Variants in DNM3 observed in about 807,000 individuals in gnomAD.
The protein encoded by DNM3 is dynamin 3.
A neutral mutation model predicts 101.6 loss-of-function variants in DNM3; 47 were observed. That is an observed-to-expected ratio of 0.46 (90% CI 0.37 to 0.59). The LOEUF (loss-of-function observed/expected upper bound fraction) is 0.59, where lower values mean the gene tolerates loss of function less well. DNM3 is among the 20% of genes least tolerant of loss of function. The pLI is 0.00. For synonymous variants in DNM3, 385 were observed against 387.9 expected (o/e 0.99, Z 0.09); for missense variants, 849 against 1,085.7 (o/e 0.78, Z 3.06).
intron 11 of DNM3, among the ~76,000 whole-genome samples, chr1:172,079,108 T>G (rs1270369027): frequency 6.6e-6 from 1 of 152,218 alleles, no homozygotes; most frequent in African/African-American, 2.4e-5. Flanking sequence ...GGGGTTGCTC[T>G]TCTTGAGGAG....
intron 1 of DNM3, among the ~76,000 whole-genome samples, chr1:171,874,621 A>G (rs2035588136): frequency 6.6e-6 from 1 of 152,182 alleles, no homozygotes; most frequent in African/African-American, 2.4e-5. Context: ...CTGGATTAGT[A>G]GCCTTGCTAC....
At chr1:172,033,064 A>G (rs766845222) in intron 5 of DNM3, 41 bp from the exon 6 acceptor site, 13 of 1,596,594 alleles carry the variant, frequency 8.1e-6, no homozygotes, top group African/African-American at 2.7e-5. Flanking sequence ...AATAAGCCAC[A>G]AAAAGTGTCC....
chr1:172,278,504 C>T lies in DNM3; in HGVS notation c.1769+24822C>T, dbSNP rs543955257. On this transcript the variant is annotated intron_variant, in intron 15 of 20. Transcript: ENST00000627582. ...GACCACATCCAAAGCCATCCTGGGC[C>T]TCATGCAGCCGTGGGCCACAGGTTG... 3.3e-5 allele frequency among the ~76,000 whole-genome samples: 5 copies of T among 152,204 alleles called. No homozygotes were observed. The South Asian group carries it at 6.2e-4, about 19-fold the overall frequency.
chr1:172,262,173 T>C (rs1285655170), intron 15 of DNM3, among the ~76,000 whole-genome samples: 1 of 152,118 alleles, frequency 6.6e-6, no homozygotes, highest in African/African-American at 2.4e-5. Flanking sequence ...AACATGGGCT[T>C]CATTTGTGTC....
rs2071128076 is a variant in DNM3 at position 172,410,194 on chromosome 1, A to C, written c.*2353A>C. On this transcript the variant is annotated 3_prime_UTR_variant, in exon 21 of 21. Coordinates refer to ENST00000627582, the MANE Select transcript of DNM3 (RefSeq NM_015569.5). Reference sequence around the variant, plus strand: ...AGTACTATGTCATATTATTAGTATGAATCTCATTTCCCAAAGGGTTTGTAT... The same window carrying C: ...AGTACTATGTCATATTATTAGTATGCATCTCATTTCCCAAAGGGTTTGTAT... 2 of 985,372 alleles carry C rather than the reference A, an allele frequency of 2.0e-6. No homozygotes were observed. Among genetic ancestry groups the C allele is most frequent in the Non-Finnish European group, 2.4e-6 (2 of 829,876 alleles). The allele number at this position is 985,372 out of a possible 1,614,324, so 61.0% of individuals were successfully genotyped here.
intron 4 of DNM3, among the ~76,000 whole-genome samples, chr1:172,021,584 G>T (rs898560158): frequency 6.6e-6 from 1 of 152,200 alleles, no homozygotes; most frequent in South Asian, 2.1e-4. Flanking sequence ...TTACTGTATT[G>T]ATGCAGTTGC....
chr1:172,314,602 A>C (rs2065234936), intron 16 of DNM3, among the ~76,000 whole-genome samples: 1 of 152,228 alleles, frequency 6.6e-6, no homozygotes, highest in South Asian at 2.1e-4. Flanking sequence ...CACCTGGCTC[A>C]GAGGGTCCTA....
At chr1:172,106,916 A>T (rs891792447) in intron 13 of DNM3, among the ~76,000 whole-genome samples, 5 of 122,040 alleles carry the variant, frequency 4.1e-5, no homozygotes, top group African/African-American at 1.5e-4. Context: ...CGCGGACTGC[A>T]GTGGCGCAAT....
At chr1:172,256,567 C>T (rs534726015) in intron 15 of DNM3, among the ~76,000 whole-genome samples, 3 of 151,864 alleles carry the variant, frequency 2.0e-5, no homozygotes, top group South Asian at 4.2e-4. Context: ...TAATATTAAT[C>T]CTTATCTTTT....
Position 172,262,855 on chromosome 1 carries a change from G to T in DNM3, c.1769+9173G>T, listed in dbSNP as rs536541501. 2.2e-4 allele frequency among the ~76,000 whole-genome samples: 33 copies of T among 152,076 alleles called. 1 individual carries two copies. Among genetic ancestry groups the T allele is most frequent in the Admixed American group, 4.6e-4 (7 of 15,274 alleles). ...TTTCTCTGAGGATGTGACCTTTGGA[G>T]GTTCCTGGATTCACCCAAGATCTTA... is the stretch of plus-strand genomic sequence containing the variant. On this transcript the variant is annotated intron_variant, in intron 15 of 20. Transcript: ENST00000627582.
At chr1:172,262,179 G>A (rs932370350) in intron 15 of DNM3, among the ~76,000 whole-genome samples, 1 of 152,160 alleles carries the variant, frequency 6.6e-6, no homozygotes, top group Admixed American at 6.5e-5. Context: ...GGCTTCATTT[G>A]TGTCTTGGCT....
chr1:171,982,775 T>G (rs971111456), intron 2 of DNM3, among the ~76,000 whole-genome samples: 2 of 152,138 alleles, frequency 1.3e-5, no homozygotes, highest in South Asian at 2.1e-4. Context: ...GTTAAATGGT[T>G]AACAAGTAAA....
rs185979372 is a variant in DNM3, at chr1:171,977,390, A to G, written c.236-10266A>G. 1.2e-4 allele frequency among the ~76,000 whole-genome samples: 18 copies of G among 152,378 alleles called. No individual in the cohort carries two copies. The East Asian group carries it at 3.1e-3, about 26-fold the overall frequency. On this transcript the variant is annotated intron_variant, in intron 2 of 20. Transcript: ENST00000627582. ...GAGAATGGGAATATGGCTTAAAAAC[A>G]GATGTGTTGCGAACAGCAAGAAGTG...
intron 12 of DNM3, among the ~76,000 whole-genome samples, chr1:172,082,525 A>T (rs117102152): frequency 6.6e-6 from 1 of 152,168 alleles, no homozygotes; most frequent in Admixed American, 6.5e-5. Context: ...CCTGCCCATT[A>T]GTGAAACCAG....
chr1:171,950,305 T>C (rs1382896140), intron 2 of DNM3, among the ~76,000 whole-genome samples: 2 of 152,194 alleles, frequency 1.3e-5, no homozygotes, highest in Non-Finnish European at 2.9e-5. Context: ...GAAAGCAATA[T>C]GCATTCGGTA....
chr1:172,310,458 T>A (rs145284410), intron 16 of DNM3: 1 of 152,090 alleles, frequency 6.6e-6, no homozygotes, highest in East Asian at 1.9e-4. Flanking sequence ...TTTAAGATAG[T>A]GATAAGTTCT....
At position 172,202,619 on chromosome 1, in the gene DNM3, C is replaced by T. The variant is rs115207211; in HGVS notation, c.1660-50954C>T. On this transcript the variant is annotated intron_variant, in intron 14 of 20. Transcript: ENST00000627582. ...AATTTTGCCTCCTTAAGACTTAGCG[C>T]GGTAACTGGACATTTCAACCAATGT... Among the ~76,000 whole-genome samples the T allele has an allele frequency of 7.3e-3, 1,117 of 152,144 alleles. 30 individuals are homozygous for T. Among genetic ancestry groups the T allele is most frequent in the East Asian group, 0.065 (336 of 5,176 alleles).
intron 1 of DNM3, among the ~76,000 whole-genome samples, chr1:171,914,488 T>A (rs2039554393): frequency 6.6e-6 from 1 of 152,214 alleles, no homozygotes; most frequent in South Asian, 2.1e-4. Context: ...AAAAAAATTT[T>A]AAAAATATAT....
chr1:171,852,810 G>A (rs773111157), intron 1 of DNM3, among the ~76,000 whole-genome samples: 1 of 152,202 alleles, frequency 6.6e-6, no homozygotes, highest in Non-Finnish European at 1.5e-5. Flanking sequence ...GTAGAGACTG[G>A]CGATTGATGA....
Sources: allele counts gnomAD v4.1 joint callset (sites outside exome capture counted in the v4.1 genomes callset), GRCh38; gene constraint gnomAD v4.1.1; transcripts MANE v1.5; gene names NCBI Gene and HGNC (gene_info 2026-07-23, HGNC 2026-07-21).